The following SELENOO variants were observed in gnomAD, a reference collection of about 807,000 sequenced individuals.
The protein encoded by SELENOO is selenoprotein O, also known as protein adenylyltransferase SelO, mitochondrial.
A neutral mutation model predicts 58.7 loss-of-function variants in SELENOO; 74 were observed. The observed-to-expected ratio is 1.26, with a 90% CI of 1.04 to 1.53. SELENOO has a LOEUF of 1.53. SELENOO is among the 40% of genes most tolerant of loss of function. The pLI, the probability that SELENOO is intolerant of heterozygous loss-of-function variation, is 0.00. For missense variants in SELENOO, 1,149 were observed against 970.0 expected (o/e 1.18, Z -2.45); for synonymous variants, 543 against 453.2 (o/e 1.20, Z -2.52).
At chr22:50,210,089 C>A in intron 3 of SELENOO, 92 bp from the exon 4 acceptor site, 1 of 1,485,806 alleles carries the variant, frequency 6.7e-7, no homozygotes. Context: ...CTCAGCGAAG[C>A]ACAGCCGGTT....
chr22:50,212,252 C>A (rs543022036), intron 5 of SELENOO, among the ~76,000 whole-genome samples: 2 of 152,220 alleles, frequency 1.3e-5, no homozygotes, highest in Admixed American at 6.5e-5. Context: ...ACCAGTGAAG[C>A]CATCTGGTCC....
Position 50,215,781 on chromosome 22 carries a change from C to T in SELENOO, c.1416C>T (p.Gly472=). The T allele has an allele frequency of 6.2e-7, 1 of 1,612,478 alleles. No individual in the cohort carries two copies. The highest frequency in any genetic ancestry group is 8.5e-7 in the Non-Finnish European group (1 of 1,179,192). ...SSFPVELESP[G]LAEFLARLME... ...TCCCAGTGGAGCTAGAGTCGCCAGG[C>T]CTGGCGGAATTCCTGGCCAGGCTGA... Residue 472 remains glycine, a synonymous_variant, in exon 6 of 9, where the codon GGC becomes GGT. Coordinates refer to ENST00000380903, the MANE Select transcript of SELENOO (RefSeq NM_031454.2).
chr22:50,207,862 G>A (rs962583108), intron 2 of SELENOO, among the ~76,000 whole-genome samples: 4 of 138,676 alleles, frequency 2.9e-5, no homozygotes, highest in Admixed American at 8.0e-5. Context: ...CCCCGAGGAC[G>A]CAGTGGCAGG....
chr22:50,204,703 A>G (rs902225336), intron 1 of SELENOO, among the ~76,000 whole-genome samples: 8 of 152,204 alleles, frequency 5.3e-5, no homozygotes, highest in Non-Finnish European at 1.2e-4. Flanking sequence ...TGGGAATGTA[A>G]AATGATAGAG....
chr22:50,210,545 C>G, intron 4 of SELENOO, 86 bp from the exon 5 acceptor site: 1 of 1,585,530 alleles, frequency 6.3e-7, no homozygotes, highest in Non-Finnish European at 8.6e-7. Flanking sequence ...TGGGACCTTC[C>G]CCTGGGCCTC....
At chr22:50,212,230 T>C (rs2147164493) in intron 5 of SELENOO, among the ~76,000 whole-genome samples, 1 of 152,306 alleles carries the variant, frequency 6.6e-6, no homozygotes, top group Non-Finnish European at 1.5e-5. Context: ...GTAAGAGTAT[T>C]TGGTAGAAAT....
chr22:50,217,383 C>G lies in SELENOO; in HGVS notation c.*14C>G. On this transcript the variant is annotated 3_prime_UTR_variant, in exon 9 of 9. Coordinates refer to ENST00000380903, the MANE Select transcript of SELENOO (RefSeq NM_031454.2). ...TGATCTTCGTAACGGCCTCGGCACG[C>G]TCCACACCCCTGGAGTCTCCCGAGG... 6.2e-7 allele frequency: 1 copy of G among 1,612,032 alleles called. No individual in the cohort carries two copies. Among genetic ancestry groups the G allele is most frequent in the South Asian group, 1.1e-5 (1 of 91,026 alleles).
chr22:50,201,500 G>A lies in SELENOO; in HGVS notation c.464G>A (p.Gly155Asp). Residue 155 changes from glycine to aspartate, a missense_variant, in exon 1 of 9, where the codon GGC (glycine) becomes GAC (aspartate). By Grantham distance (94) the Gly-to-Asp change is moderately conservative. Coordinates refer to ENST00000380903, the MANE Select transcript of SELENOO (RefSeq NM_031454.2). ...CAGTTCGCCGGGCAGCTGGGCGACG[G>A]CGCCGCCATGTACCTGGGCGAGGTG... is the stretch of plus-strand genomic sequence containing the variant. ...FGQFAGQLGDGAAMYLGEVCT... is the reference protein window; with the variant it reads ...FGQFAGQLGDDAAMYLGEVCT... 6 of 1,426,246 alleles carry A rather than the reference G, an allele frequency of 4.2e-6. No individual in the cohort carries two copies. The South Asian group carries it at 6.8e-5, about 16-fold the overall frequency. 88.3% of individuals were successfully genotyped at this position (1,426,246 alleles called of 1,614,324 possible). A position where few individuals can be genotyped will look rare whatever the true frequency, so the allele number is the denominator to read the frequency against.
chr22:50,210,458 G>C (rs1266802541), intron 4 of SELENOO, 147 bp downstream of exon 4: 3 of 1,353,252 alleles, frequency 2.2e-6, no homozygotes, highest in African/African-American at 2.9e-5. Flanking sequence ...AGAGAGTCCA[G>C]GGCAATCCCG....
intron 4 of SELENOO, 67 bp downstream of exon 4, chr22:50,210,378 T>TGCTGCCCCCAGGC: frequency 6.4e-7 from 1 of 1,566,594 alleles, no homozygotes; most frequent in Non-Finnish European, 8.7e-7. Flanking sequence ...GCATGAAACC[T>TGCTGCCCCCAGGC]GCTGCCCCCA....
In SELENOO at chr22:50,210,828, G is replaced by A. The variant is rs374202367; in HGVS notation, c.1268G>A (p.Arg423His). 4.6e-5 allele frequency: 75 copies of A among 1,613,994 alleles called. No individual in the cohort carries two copies. The highest frequency in any genetic ancestry group is 1.6e-4 in the Middle Eastern group (1 of 6,084). ...EFQRHYLQKM[R>H]RKLGLVQVEL... ...CAAAGGCACTACCTGCAGAAGATGC[G>A]CAGGAAGCTGGGCCTCGTGCAGGTG... Residue 423 changes from arginine to histidine, a missense_variant, in exon 5 of 9, where the codon CGC (arginine) becomes CAC (histidine). Coordinates refer to ENST00000380903, the MANE Select transcript of SELENOO (RefSeq NM_031454.2).
chr22:50,204,723 A>C (rs893675886), intron 1 of SELENOO, among the ~76,000 whole-genome samples: 2 of 152,202 alleles, frequency 1.3e-5, no homozygotes, highest in African/African-American at 4.8e-5. Flanking sequence ...GTTGCTGTGG[A>C]AAACAGTGTG....
chr22:50,212,755 A>T (rs2064379448), intron 5 of SELENOO, among the ~76,000 whole-genome samples: 1 of 151,694 alleles, frequency 6.6e-6, no homozygotes, highest in Non-Finnish European at 1.5e-5. Flanking sequence ...GTGTAAGTGG[A>T]GTTACGCAGC....
At chr22:50,217,616 AGTCT>A (rs1173675458), downstream of SELENOO, 1 of 1,069,566 alleles carries the variant, frequency 9.3e-7, no homozygotes, top group Non-Finnish European at 1.3e-6. Flanking sequence ...AACTCCCTCG[AGTCT>A]GTCTCTGTGG....
chr22:50,211,048 T>G, intron 5 of SELENOO, 137 bp downstream of exon 5: 1 of 867,874 alleles, frequency 1.2e-6, no homozygotes, highest in Non-Finnish European at 1.8e-6. Flanking sequence ...CCCATTCTAC[T>G]CTCTGTCTTT....
chr22:50,215,734 AC>A lies in SELENOO; in HGVS notation c.1371del (p.Phe458SerfsTer4). On this transcript the variant is annotated frameshift_variant, in exon 6 of 9. Transcript: ENST00000380903. LOFTEE classifies it high-confidence loss of function. ...TGTTCCAGGTGCCGACTTCACAAAC[AC>A]CTTCTACTTGCTGAGCTCCTTCCCA... ...MHLTGADFTN[T>X]FYLLSSFPVE... 1 of 1,599,084 alleles carries A rather than the reference AC, an allele frequency of 6.3e-7. No homozygotes were observed. Among genetic ancestry groups the A allele is most frequent in the Non-Finnish European group, 8.5e-7 (1 of 1,170,172 alleles).
chr22:50,210,285 C>T lies in SELENOO; in HGVS notation c.1044C>T (p.Asp348=), dbSNP rs749543372. The stretch of plus-strand genomic sequence containing the variant: ...TGAGCATCCTGGGGCTCACCATCGA[C>T]TACGGGCCCTTTGGCTTCCTGGACA... The part of the protein sequence containing the change: ...DNMSILGLTI[D]YGPFGFLDRY... Residue 348 remains aspartate (D), a synonymous_variant, in exon 4 of 9, where the codon GAC becomes GAT. Transcript: ENST00000380903. 1 of 1,613,334 alleles carries T rather than the reference C, an allele frequency of 6.2e-7. No homozygotes were observed. The highest frequency in any genetic ancestry group is 8.5e-7 in the Non-Finnish European group (1 of 1,179,926).
Position 50,215,650 on chromosome 22 carries a change from C to G in SELENOO, c.1352-67C>G, listed in dbSNP as rs1163428933. ...GCCAGGGGGGTGGGGGGGGGGGGGT[C>G]TGTGTGGCACCAGGACAGGGACCCT... On this transcript the variant is annotated intron_variant, in intron 5 of 8. Coordinates refer to ENST00000380903, the MANE Select transcript of SELENOO (RefSeq NM_031454.2). The G allele has an allele frequency of 9.7e-5, 91 of 942,786 alleles. No individual in the cohort carries two copies. In the Middle Eastern group the frequency reaches 2.8e-3, roughly 29 times the overall value. The allele number at this position is 942,786 out of a possible 1,614,324, so 58.4% of individuals were successfully genotyped here.
chr22:50,215,903 C>G (rs764804531), intron 6 of SELENOO, 36 bp downstream of exon 6: 29 of 1,553,460 alleles, frequency 1.9e-5, no homozygotes, highest in Non-Finnish European at 2.3e-5. Context: ...GGATTTGTTT[C>G]CAGAAAAGGA....
Sources: gnomAD v4.1 joint callset for allele counts (sites outside exome capture counted in the v4.1 genomes callset) on GRCh38, gnomAD v4.1.1 for gene constraint, MANE v1.5 for transcripts, NCBI Gene and HGNC (gene_info 2026-07-23, HGNC 2026-07-21) for gene names.